PHACTR1: variants seen among roughly 807,000 people sequenced by gnomAD.
PHACTR1 encodes RPEL repeat containing 1.
Under a neutral mutation model 69.2 loss-of-function variants are expected in PHACTR1, and 16 were observed. The observed-to-expected ratio is 0.23, with a 90% confidence interval of 0.16 to 0.35. The LOEUF is 0.35. Ranked by LOEUF, PHACTR1 falls within the 10% of genes least tolerant of loss-of-function variation. PHACTR1 has a pLI of 1.00. For missense variants in PHACTR1, 510 were observed against 734.7 expected, an observed-to-expected ratio of 0.69 and a Z score of 3.54; for synonymous variants, 312 against 284.5, an observed-to-expected ratio of 1.10 and a Z score of -0.97.
chr6:13,165,472 C>G (rs1429712017), intron 6 of PHACTR1, among the ~76,000 whole-genome samples: 1 of 152,108 alleles, frequency 6.6e-6, no homozygotes, highest in South Asian at 2.1e-4. Flanking sequence ...AAGGAGTTGC[C>G]TCGGTATGGA....
At chr6:13,196,761 A>T (rs1214922424) in intron 7 of PHACTR1, among the ~76,000 whole-genome samples, 2 of 152,172 alleles carry the variant, frequency 1.3e-5, no homozygotes, top group African/African-American at 4.8e-5. Flanking sequence ...GGTGTGCATC[A>T]GAACAATACA....
At chr6:13,180,615 C>G (rs1231261141) in intron 6 of PHACTR1, among the ~76,000 whole-genome samples, 1 of 152,244 alleles carries the variant, frequency 6.6e-6, no homozygotes, top group East Asian at 1.9e-4. Flanking sequence ...CTCTGGTTGT[C>G]TCGTCCAGCA....
chr6:13,160,298 G>T lies in PHACTR1; in HGVS notation c.496+14G>T. 6.2e-7 allele frequency: 1 copy of T among 1,608,912 alleles called. No homozygotes were observed. Among genetic ancestry groups the T allele is most frequent in the South Asian group, 1.1e-5 (1 of 90,942 alleles). On this transcript the variant is annotated intron_variant, in intron 6 of 14. Coordinates refer to ENST00000332995, the MANE Select transcript of PHACTR1 (RefSeq NM_030948.6). The stretch of plus-strand genomic sequence containing the variant: ...TCTATGATAAAGGTAAGGAGGATTG[G>T]TCTGTCATCCCCGGGTCAAAGAGTC...
intron 4 of PHACTR1, among the ~76,000 whole-genome samples, chr6:13,042,375 GC>G (rs1245573280): frequency 1.3e-5 from 2 of 152,168 alleles, no homozygotes; most frequent in African/African-American, 4.8e-5. Context: ...TTTCTTCTTA[GC>G]CAGCCACCTG....
chr6:12,979,693 A>C (rs989585180), intron 4 of PHACTR1, among the ~76,000 whole-genome samples: 1 of 151,254 alleles, frequency 6.6e-6, no homozygotes, highest in African/African-American at 2.4e-5. Flanking sequence ...CCTCCAATGC[A>C]GTGAGTTTTC....
In PHACTR1 at chr6:13,287,468, G is replaced by T. The variant is rs562493679; in HGVS notation, c.*390G>T. ...CAAGTGTCTGTCATCTGAGTCCAAA[G>T]AAAGCTGAAGGGGTGGGTTTGTTTT... On this transcript the variant is annotated 3_prime_UTR_variant, in exon 15 of 15. Transcript: ENST00000332995. The T allele has an allele frequency of 2.3e-4, 52 of 227,958 alleles. No individual in the cohort carries two copies. Among genetic ancestry groups the T allele is most frequent in the African/African-American group, 1.4e-3 (48 of 34,230 alleles). 14.1% of individuals were successfully genotyped at this position (227,958 alleles called of 1,614,324 possible). A position where few individuals can be genotyped will look rare whatever the true frequency, so the allele number is the denominator to read the frequency against.
intron 4 of PHACTR1, among the ~76,000 whole-genome samples, chr6:12,860,649 C>T (rs1780847173): frequency 1.3e-5 from 2 of 152,210 alleles, no homozygotes; most frequent in African/African-American, 4.8e-5. Context: ...CACATCCTTT[C>T]CAGCATCTGT....
chr6:12,995,538 G>C (rs1436992845), intron 4 of PHACTR1, among the ~76,000 whole-genome samples: 1 of 151,892 alleles, frequency 6.6e-6, no homozygotes, highest in Non-Finnish European at 1.5e-5. Context: ...CATTATTAAA[G>C]ATAAGGAAAA....
At chr6:13,274,329 G>A (rs1407463441) in intron 11 of PHACTR1, 1 of 152,166 alleles carries the variant, frequency 6.6e-6, no homozygotes, top group Non-Finnish European at 1.5e-5. Flanking sequence ...ACCCTTTAAA[G>A]TTTCCAAGCT....
chr6:13,050,378 C>T (rs762469082), intron 4 of PHACTR1, among the ~76,000 whole-genome samples: 52 of 152,184 alleles, frequency 3.4e-4, no homozygotes, highest in Non-Finnish European at 5.4e-4. Context: ...ACCACTGCTG[C>T]GAAATTAATC....
intron 4 of PHACTR1, among the ~76,000 whole-genome samples, chr6:12,879,232 C>T (rs750260917): frequency 8.8e-4 from 134 of 152,058 alleles, no homozygotes; most frequent in African/African-American, 2.7e-3. Flanking sequence ...GTGGTGCAGA[C>T]GGGGAAAGGA....
At chr6:13,077,435 A>G (rs1453591952) in intron 5 of PHACTR1, among the ~76,000 whole-genome samples, 4 of 152,208 alleles carry the variant, frequency 2.6e-5, no homozygotes, top group Admixed American at 2.0e-4. Context: ...GATTTTGAAC[A>G]GCAGAATTAG....
At chr6:13,010,814 G>T (rs1263031282) in intron 4 of PHACTR1, among the ~76,000 whole-genome samples, 2 of 150,654 alleles carry the variant, frequency 1.3e-5, no homozygotes, top group Non-Finnish European at 3.0e-5. Flanking sequence ...AGATCAACTT[G>T]GTTAAAAAAA....
intron 4 of PHACTR1, among the ~76,000 whole-genome samples, chr6:12,796,172 A>G (rs900613623): frequency 9.2e-5 from 14 of 152,220 alleles, no homozygotes; most frequent in African/African-American, 3.1e-4. Context: ...ATTTCTAAAT[A>G]TGCATTTGCT....
chr6:13,079,997 C>A (rs1811120587), intron 5 of PHACTR1, among the ~76,000 whole-genome samples: 1 of 152,126 alleles, frequency 6.6e-6, no homozygotes, highest in African/African-American at 2.4e-5. Context: ...TGTAACCAGT[C>A]TCCCTTGATG....
chr6:13,249,034 CTG>C (rs1773978931), intron 10 of PHACTR1, among the ~76,000 whole-genome samples: 1 of 152,322 alleles, frequency 6.6e-6, no homozygotes, highest in Admixed American at 6.5e-5. Flanking sequence ...CAGTTCCTAA[CTG>C]TACCATTTTT....
At chr6:12,898,314 G>A (rs892753135) in intron 4 of PHACTR1, among the ~76,000 whole-genome samples, 38 of 152,034 alleles carry the variant, frequency 2.5e-4, no homozygotes, top group Middle Eastern at 3.4e-3. Flanking sequence ...AAATACCGAC[G>A]GGAGCTGATG....
intron 10 of PHACTR1, among the ~76,000 whole-genome samples, chr6:13,241,869 CA>C (rs924968728): frequency 0.021 from 2,685 of 130,748 alleles, 69 homozygotes; most frequent in African/African-American, 0.068. Context: ...ACTAAAAATG[CA>C]AAAAAAAAAA....
chr6:12,816,468 G>A (rs1477518473), intron 4 of PHACTR1, among the ~76,000 whole-genome samples: 2 of 152,178 alleles, frequency 1.3e-5, no homozygotes, highest in South Asian at 4.1e-4. Context: ...CTCCCTAGGG[G>A]AAGAATCATT....
Sources: gnomAD v4.1 joint callset for allele counts (sites outside exome capture counted in the v4.1 genomes callset) on GRCh38, gnomAD v4.1.1 for gene constraint, MANE v1.5 for transcripts, NCBI Gene and HGNC (gene_info 2026-07-23, HGNC 2026-07-21) for gene names.